Variants in NEO1 observed in about 807,000 individuals in gnomAD.
NEO1 encodes neogenin.
In NEO1, 63 loss-of-function variants were observed where a neutral mutation model predicts 159.7. The ratio of observed to expected loss-of-function variants is 0.39; its 90% CI spans 0.32 to 0.49. The LOEUF (loss-of-function observed/expected upper bound fraction) is 0.49, where lower values mean the gene tolerates loss of function less well. Among genes scored for constraint, NEO1 ranks in the 20% least tolerant of loss-of-function variants. The pLI, the probability that NEO1 is intolerant of heterozygous loss-of-function variation, is 0.85. For synonymous variants in NEO1, 633 were observed against 662.0 expected (o/e 0.96, Z 0.67); for missense variants, 1,615 against 1,831.0 (o/e 0.88, Z 2.15).
chr15:73,111,090 C>T lies in NEO1; in HGVS notation c.131-5450C>T, dbSNP rs538396408. 2.1e-4 allele frequency among the ~76,000 whole-genome samples: 32 copies of T among 152,268 alleles called. 1 individual carries two copies. In the East Asian group the frequency reaches 5.6e-3, roughly 27 times the overall value. ...GAGTAAAAAGTGTTCTCCCTGTACG[C>T]TCTCTGCTCTCTTTTGGCAGCTCAA... On this transcript the variant is annotated intron_variant, in intron 1 of 28. Coordinates refer to ENST00000261908, the MANE Select transcript of NEO1 (RefSeq NM_002499.4).
chr15:73,263,190 C>CT (rs33959030), intron 15 of NEO1, among the ~76,000 whole-genome samples: 2,244 of 124,114 alleles, frequency 0.018, 43 homozygotes, highest in Middle Eastern at 0.024. Context: ...TCATAGTTGA[C>CT]TTTTTTTTTT....
Position 73,131,966 on chromosome 15 carries a change from A to G in NEO1, c.879-3925A>G, listed in dbSNP as rs149769351. Among the ~76,000 whole-genome samples the G allele has an allele frequency of 3.0e-3, 462 of 152,218 alleles. 2 individuals are homozygous for G. The highest frequency in any genetic ancestry group is 0.011 in the African/African-American group (439 of 41,520). ...GCACCTCATTATTTAGTTAGCTTCT[A>G]CTCATTCTTCAGATCTCAGCTTAAG... On this transcript the variant is annotated intron_variant, in intron 4 of 28. Coordinates refer to ENST00000261908, the MANE Select transcript of NEO1 (RefSeq NM_002499.4).
chr15:73,122,694 G>A lies in NEO1; in HGVS notation c.618G>A (p.Leu206=), dbSNP rs373632031. The A allele has an allele frequency of 5.6e-6, 9 of 1,614,052 alleles. No individual in the cohort carries two copies. In the African/African-American group the frequency reaches 1.1e-4, roughly 19 times the overall value. ...DRVIKLPSGM[L]VISNATEGDG... ...TTATCAAACTTCCAAGTGGAATGCTGGTTATCAGCAATGCAACTGAAGGAG... is the reference window on the plus strand; with the variant it reads ...TTATCAAACTTCCAAGTGGAATGCTAGTTATCAGCAATGCAACTGAAGGAG... The change falls in exon 3 of 29, where the codon CTG becomes CTA. Residue 206 remains leucine, a synonymous_variant. Coordinates refer to ENST00000261908, the MANE Select transcript of NEO1 (RefSeq NM_002499.4).
intron 5 of NEO1, among the ~76,000 whole-genome samples, chr15:73,172,423 A>G (rs74827637): frequency 0.022 from 3,408 of 152,318 alleles, 125 homozygotes; most frequent in African/African-American, 0.076. Flanking sequence ...TGATGTGTTC[A>G]TTATCACACA....
At chr15:73,238,586 A>G (rs1461000387) in intron 8 of NEO1, among the ~76,000 whole-genome samples, 1 of 151,836 alleles carries the variant, frequency 6.6e-6, no homozygotes, top group East Asian at 1.9e-4. Flanking sequence ...CTATAAATAT[A>G]TTAGAAGAAA....
chr15:73,258,614 G>A, intron 13 of NEO1, 152 bp from the exon 14 acceptor site: 1 of 585,122 alleles, frequency 1.7e-6, no homozygotes, highest in South Asian at 2.2e-5. Flanking sequence ...TGTTGTATTT[G>A]CATTTTGCCT....
At chr15:73,094,908 G>C (rs1045135876) in intron 1 of NEO1, among the ~76,000 whole-genome samples, 5 of 152,160 alleles carry the variant, frequency 3.3e-5, no homozygotes, top group African/African-American at 1.2e-4. Context: ...TTAGCTACCA[G>C]GGTTTAGAAA....
chr15:73,130,616 C>T (rs1416467275), intron 4 of NEO1, among the ~76,000 whole-genome samples: 1 of 152,206 alleles, frequency 6.6e-6, no homozygotes, highest in Non-Finnish European at 1.5e-5. Flanking sequence ...TGTAGTGAAG[C>T]ATCTCAGCCT....
chr15:73,118,630 A>T (rs2071455524), intron 2 of NEO1, among the ~76,000 whole-genome samples: 1 of 151,976 alleles, frequency 6.6e-6, no homozygotes, highest in Non-Finnish European at 1.5e-5. Flanking sequence ...CCTCTTTGAT[A>T]CCTTCAGGAA....
chr15:73,095,216 A>T (rs1740424646), intron 1 of NEO1, among the ~76,000 whole-genome samples: 1 of 152,126 alleles, frequency 6.6e-6, no homozygotes, highest in African/African-American at 2.4e-5. Flanking sequence ...TTAAAAAAAA[A>T]AAAAAAACTT....
At chr15:73,281,555 CA>C (rs1037462539) in intron 22 of NEO1, among the ~76,000 whole-genome samples, 2 of 152,126 alleles carry the variant, frequency 1.3e-5, no homozygotes, top group African/African-American at 4.8e-5. Context: ...TGCGCCAAGC[CA>C]AGAGATTTTT....
intron 11 of NEO1, among the ~76,000 whole-genome samples, chr15:73,250,868 G>A (rs1596479113): frequency 6.6e-6 from 1 of 152,190 alleles, no homozygotes; most frequent in East Asian, 1.9e-4. Context: ...TATGGTATTA[G>A]GCAATAGTAA....
At chr15:73,097,495 G>A (rs139626640) in intron 1 of NEO1, among the ~76,000 whole-genome samples, 13,210 of 151,658 alleles carry the variant, frequency 0.087, 654 homozygotes, top group Non-Finnish European at 0.1. Context: ...CAGGTAGCTG[G>A]GATTACAGGT....
At chr15:73,260,214 G>A in intron 14 of NEO1, 57 bp from the exon 15 acceptor site, 7 of 1,500,170 alleles carry the variant, frequency 4.7e-6, no homozygotes, top group Non-Finnish European at 6.4e-6. Flanking sequence ...CCCAAGGATG[G>A]TGAGATATTT....
intron 5 of NEO1, among the ~76,000 whole-genome samples, chr15:73,152,622 C>T (rs1332696814): frequency 6.6e-6 from 1 of 152,156 alleles, no homozygotes; most frequent in African/African-American, 2.4e-5. Flanking sequence ...TGGGAACCTC[C>T]ACTTGAAACA....
chr15:73,188,337 C>G (rs578233308), intron 7 of NEO1, among the ~76,000 whole-genome samples: 1 of 152,032 alleles, frequency 6.6e-6, no homozygotes, highest in Admixed American at 6.5e-5. Context: ...TGTGTATATA[C>G]ACTTTTTAAA....
At chr15:73,284,461 ATCTC>A (rs2041859924) in intron 23 of NEO1, among the ~76,000 whole-genome samples, 1 of 151,974 alleles carries the variant, frequency 6.6e-6, no homozygotes, top group Non-Finnish European at 1.5e-5. Context: ...GATATTTTAA[ATCTC>A]TCTTTCTTTT....
chr15:73,068,634 T>C (rs1286249177), intron 1 of NEO1, among the ~76,000 whole-genome samples: 1 of 152,182 alleles, frequency 6.6e-6, no homozygotes, highest in East Asian at 1.9e-4. Context: ...TGATTTCCAG[T>C]GGAGGTACAG....
At chr15:73,281,548 G>A (rs1411307448) in intron 22 of NEO1, among the ~76,000 whole-genome samples, 1 of 152,156 alleles carries the variant, frequency 6.6e-6, no homozygotes, top group Non-Finnish European at 1.5e-5. Context: ...GAGCCACTGC[G>A]CCAAGCCAAG....
Sources: allele counts gnomAD v4.1 joint callset (sites outside exome capture counted in the v4.1 genomes callset), GRCh38; gene constraint gnomAD v4.1.1; transcripts MANE v1.5; gene names NCBI Gene and HGNC (gene_info 2026-07-23, HGNC 2026-07-21).